The following ROR2 variants were observed in gnomAD, a reference collection of about 807,000 sequenced individuals.
ROR2 encodes the protein ROR family WNT receptor 2.
Under a neutral mutation model 74.9 loss-of-function variants are expected in ROR2, and 33 were observed. That is an observed-to-expected ratio of 0.44 (90% CI 0.33 to 0.59). The LOEUF is 0.59. ROR2 is among the 20% of genes least tolerant of loss of function. ROR2 has a pLI of 0.02. For missense variants in ROR2, 1,216 were observed against 1,313.8 expected, an observed-to-expected ratio of 0.93 and a Z score of 1.15; for synonymous variants, 586 against 558.7, an observed-to-expected ratio of 1.05 and a Z score of -0.69.
intron 1 of ROR2, among the ~76,000 whole-genome samples, chr9:91,783,674 C>T (rs750149967): frequency 2.6e-5 from 4 of 152,212 alleles, no homozygotes; most frequent in Non-Finnish European, 5.9e-5. Context: ...CCTTGGCTGA[C>T]ATTTCTTTTT....
rs549151877 is a variant in ROR2, at chr9:91,739,613, G to T, written c.495-2095C>A. 2.0e-5 allele frequency among the ~76,000 whole-genome samples: 3 copies of T among 151,728 alleles called. No individual in the cohort carries two copies. The East Asian group carries it at 5.8e-4, about 29-fold the overall frequency. ...TTGCTAAGGCAGAGGCTGAACACTT[G>T]CAATAGTGAAGACCTTCTCAAGCTT... On this transcript the variant is annotated intron_variant, in intron 4 of 8. Coordinates refer to ENST00000375708, the MANE Select transcript of ROR2 (RefSeq NM_004560.4).
At position 91,723,489 on chromosome 9, in the gene ROR2, C is replaced by T; in HGVS notation, c.*173G>A. ...TTGGGTGCTCCTAGGCAGGGCAGCT[C>T]TCTGTGTCAGAGGACAGAGAGGAGC... On this transcript the variant is annotated 3_prime_UTR_variant, in exon 9 of 9. Transcript: ENST00000375708. 2.8e-6 allele frequency: 1 copy of T among 361,198 alleles called. No homozygotes were observed. Among genetic ancestry groups the T allele is most frequent in the Non-Finnish European group, 4.1e-6 (1 of 242,452 alleles). 22.4% of individuals were successfully genotyped at this position (361,198 alleles called of 1,614,324 possible). A position where few individuals can be genotyped will look rare whatever the true frequency, so the allele number is the denominator to read the frequency against.
intron 1 of ROR2, among the ~76,000 whole-genome samples, chr9:91,846,258 A>C (rs62564595): frequency 6.6e-6 from 1 of 152,082 alleles, no homozygotes; most frequent in Non-Finnish European, 1.5e-5. Context: ...AACCTCAGTA[A>C]GACGGTGTTT....
At chr9:91,813,566 C>T (rs768985427) in intron 1 of ROR2, among the ~76,000 whole-genome samples, 9 of 152,196 alleles carry the variant, frequency 5.9e-5, no homozygotes, top group Non-Finnish European at 1.3e-4. Context: ...ACTAGGCCTA[C>T]ACTGTGGATC....
intron 1 of ROR2, among the ~76,000 whole-genome samples, chr9:91,800,605 G>A (rs1017296639): frequency 5.3e-5 from 8 of 152,140 alleles, no homozygotes; most frequent in African/African-American, 1.9e-4. Flanking sequence ...TATTAAAAAT[G>A]TTAACACAAA....
At chr9:91,754,856 A>G (rs1029766067) in intron 4 of ROR2, among the ~76,000 whole-genome samples, 1 of 152,086 alleles carries the variant, frequency 6.6e-6, no homozygotes, top group Non-Finnish European at 1.5e-5. Flanking sequence ...ATCTTCCCAA[A>G]TATCTTCCCT....
At chr9:91,872,046 C>G (rs565145860) in intron 1 of ROR2, among the ~76,000 whole-genome samples, 1 of 152,292 alleles carries the variant, frequency 6.6e-6, no homozygotes, top group South Asian at 2.1e-4. Context: ...ATTTAAGCCT[C>G]TAAATTGTGC....
At chr9:91,892,682 C>T (rs970679118) in intron 1 of ROR2, among the ~76,000 whole-genome samples, 9 of 150,588 alleles carry the variant, frequency 6.0e-5, no homozygotes, top group African/African-American at 2.2e-4. Context: ...CTCCACCTCC[C>T]GGGTTCAAGC....
chr9:91,887,560 G>A (rs1373667570), intron 1 of ROR2, among the ~76,000 whole-genome samples: 7 of 152,094 alleles, frequency 4.6e-5, no homozygotes, highest in African/African-American at 1.7e-4. Context: ...TGGGTTACTT[G>A]CAGTTTTTGC....
At chr9:91,881,884 T>G (rs1285151476) in intron 1 of ROR2, among the ~76,000 whole-genome samples, 1 of 152,164 alleles carries the variant, frequency 6.6e-6, no homozygotes, top group African/African-American at 2.4e-5. Flanking sequence ...TTTTGAGGGC[T>G]TGAAAGAAAG....
At position 91,733,027 on chromosome 9, in the gene ROR2, G is replaced by A; in HGVS notation, c.937+95C>T. 1 of 1,253,300 alleles carries A rather than the reference G, an allele frequency of 8.0e-7. No homozygotes were observed. Among genetic ancestry groups the A allele is most frequent in the South Asian group, 1.4e-5 (1 of 73,246 alleles). The allele number at this position is 1,253,300 out of a possible 1,614,324, so 77.6% of individuals were successfully genotyped here. A position where few individuals can be genotyped will look rare whatever the true frequency, so the allele number is the denominator to read the frequency against. ...GGGTTCTGTGGGGCCTGGACAGATGGGGCTCCCTGGGCTTCACCGACACCC... is the reference window on the plus strand; with the variant it reads ...GGGTTCTGTGGGGCCTGGACAGATGAGGCTCCCTGGGCTTCACCGACACCC... On this transcript the variant is annotated intron_variant, in intron 6 of 8. Coordinates refer to ENST00000375708, the MANE Select transcript of ROR2 (RefSeq NM_004560.4). This position sits in a 1 kb window ranked among gnomAD's most constrained non-coding sequence, Gnocchi z 5.7.
intron 1 of ROR2, among the ~76,000 whole-genome samples, chr9:91,916,163 C>A (rs1831128193): frequency 6.6e-6 from 1 of 152,204 alleles, no homozygotes; most frequent in Non-Finnish European, 1.5e-5. Context: ...CTCCTAGCAG[C>A]CAAAGTTGTC....
chr9:91,919,719 C>T (rs1252655327), intron 1 of ROR2, among the ~76,000 whole-genome samples: 1 of 152,148 alleles, frequency 6.6e-6, no homozygotes, highest in African/African-American at 2.4e-5. Context: ...TTCCCCCAGC[C>T]CACTCTGCTC....
At chr9:91,772,788 C>CA (rs1355205424) in intron 2 of ROR2, among the ~76,000 whole-genome samples, 5 of 152,042 alleles carry the variant, frequency 3.3e-5, no homozygotes, top group Non-Finnish European at 7.4e-5. Context: ...ACAACAACAA[C>CA]AAAAAAGTCA....
intron 1 of ROR2, among the ~76,000 whole-genome samples, chr9:91,925,724 T>C (rs1382514376): frequency 3.3e-5 from 5 of 152,142 alleles, no homozygotes; most frequent in African/African-American, 1.2e-4. Flanking sequence ...TCAAGAGTGC[T>C]TGCCAGAGAG....
chr9:91,808,347 T>C (rs1216893166), intron 1 of ROR2, among the ~76,000 whole-genome samples: 1 of 152,192 alleles, frequency 6.6e-6, no homozygotes, highest in Non-Finnish European at 1.5e-5. Context: ...AAAATCTTCA[T>C]AAATTGGCCA....
At chr9:91,870,139 A>G (rs58978642) in intron 1 of ROR2, among the ~76,000 whole-genome samples, 4,588 of 150,438 alleles carry the variant, frequency 0.03, 170 homozygotes, top group Middle Eastern at 0.092. Context: ...TTGACACAGG[A>G]GCAGAGCTGA....
chr9:91,875,799 T>G (rs760901707), intron 1 of ROR2, among the ~76,000 whole-genome samples: 1 of 152,232 alleles, frequency 6.6e-6, no homozygotes, highest in East Asian at 1.9e-4. Flanking sequence ...GATCTTTGCA[T>G]GGGGAGTGCC....
chr9:91,724,071 A>T lies in ROR2; in HGVS notation c.2423T>A (p.Ile808Asn). ...QPQFIPMKGQ[I>N]RPMVPPPQLY... ...CTGCGGCGGGGGCACCATGGGTCTG[A>T]TCTGGCCCTTCATGGGGATGAACTG... Residue 808 changes from isoleucine to asparagine, a missense_variant, in exon 9 of 9, where the codon ATC (isoleucine) becomes AAC (asparagine). By Grantham distance (149) the Ile-to-Asn change is moderately radical (BLOSUM62 -3). Transcript: ENST00000375708. The T allele has an allele frequency of 1.9e-6, 3 of 1,610,802 alleles. No individual in the cohort carries two copies. Among genetic ancestry groups the T allele is most frequent in the Non-Finnish European group, 2.5e-6 (3 of 1,179,746 alleles).
Sources: allele counts gnomAD v4.1 joint callset (sites outside exome capture counted in the v4.1 genomes callset), GRCh38; gene constraint gnomAD v4.1.1; non-coding constraint Gnocchi (gnomAD v3.1); transcripts MANE v1.5; gene names NCBI Gene and HGNC (gene_info 2026-07-23, HGNC 2026-07-21).